The following NSD1 variants were observed in gnomAD, a reference collection of about 807,000 sequenced individuals.
NSD1 encodes the protein histone-lysine N-methyltransferase, H3 lysine-36 specific.
A neutral mutation model predicts 242.7 loss-of-function variants in NSD1; 26 were observed. The ratio of observed to expected loss-of-function variants is 0.11; its 90% confidence interval spans 0.08 to 0.15. The LOEUF (loss-of-function observed/expected upper bound fraction) is 0.15, where lower values mean the gene tolerates loss of function less well. Among genes scored for constraint, NSD1 ranks in the 10% least tolerant of loss-of-function variants. The pLI is 1.00. For synonymous variants in NSD1, 1,106 were observed against 1,178.1 expected, an observed-to-expected ratio of 0.94 and a Z score of 1.25; for missense variants, 2,495 against 3,272.8, an observed-to-expected ratio of 0.76 and a Z score of 5.80.
chr5:177,253,188 T>C (rs1350312700), intron 12 of NSD1, among the ~76,000 whole-genome samples: 2 of 152,148 alleles, frequency 1.3e-5, no homozygotes, highest in Admixed American at 6.6e-5. Flanking sequence ...GGTGAGTGGA[T>C]AGCCGTATAC....
At chr5:177,230,297 A>G (rs1043187440) in intron 5 of NSD1, among the ~76,000 whole-genome samples, 2 of 151,662 alleles carry the variant, frequency 1.3e-5, no homozygotes, top group Admixed American at 6.6e-5. Context: ...CGTTTCTACC[A>G]AAGTAGAAAA....
chr5:177,145,614 A>C (rs978247616), intron 2 of NSD1, among the ~76,000 whole-genome samples: 1 of 152,128 alleles, frequency 6.6e-6, no homozygotes, highest in Non-Finnish European at 1.5e-5. Context: ...ATGCAGTTGT[A>C]ACAAATTCCA....
Position 177,299,278 on chromosome 5 carries a change from GAGGAGA to G in NSD1, c.*3820_*3825del. Reference sequence around the variant, plus strand: ...TCAAGAAACCCGGGTTCCTGTTTGGGAGGAGATTTTATGTAGAAAAGTTTGAGGCTT... The same window carrying G: ...TCAAGAAACCCGGGTTCCTGTTTGGGTTTTATGTAGAAAAGTTTGAGGCTT... On this transcript the variant is annotated 3_prime_UTR_variant, in exon 23 of 23. Transcript: ENST00000439151. 4.3e-6 allele frequency: 1 copy of G among 233,186 alleles called. No individual in the cohort carries two copies. The highest frequency in any genetic ancestry group is 8.5e-6 in the Non-Finnish European group (1 of 118,064). 14.4% of individuals were successfully genotyped at this position (233,186 alleles called of 1,614,324 possible). A position where few individuals can be genotyped will look rare whatever the true frequency, so the allele number is the denominator to read the frequency against.
chr5:177,266,589 C>A, intron 14 of NSD1: 1 of 680,414 alleles, frequency 1.5e-6, no homozygotes, highest in Non-Finnish European at 2.2e-6. Context: ...CGGCCGCCAT[C>A]TTCACCCGCA....
rs1757604223 is a variant in NSD1, at chr5:177,267,686, G to A, written c.5271G>A (p.Arg1757=). Residue 1757 remains arginine, a synonymous_variant, in exon 15 of 23, where the codon AGG becomes AGA. Transcript: ENST00000439151. ...DCKAGKKPHY[R]EIVWVKVGRY... ...AAGCAGGCAAAAAGCCACACTACAG[G>A]GAGATTGTCTGGGTAAAAGTTGGAC... The A allele has an allele frequency of 6.2e-7, 1 of 1,613,884 alleles. No individual in the cohort carries two copies. The highest frequency in any genetic ancestry group is 8.5e-7 in the Non-Finnish European group (1 of 1,179,984).
At chr5:177,192,141 T>G (rs1761739912) in intron 3 of NSD1, 122 bp downstream of exon 3, 1 of 852,610 alleles carries the variant, frequency 1.2e-6, no homozygotes. Flanking sequence ...TGGTGTTACA[T>G]ATTTTATCTT....
intron 2 of NSD1, among the ~76,000 whole-genome samples, chr5:177,184,773 C>T (rs1001587321): frequency 6.6e-6 from 1 of 152,108 alleles, no homozygotes; most frequent in Non-Finnish European, 1.5e-5. Flanking sequence ...TGGCCTCGAG[C>T]GATCACCCAC....
At chr5:177,256,028 C>A (rs1029910375) in intron 12 of NSD1, among the ~76,000 whole-genome samples, 2 of 152,076 alleles carry the variant, frequency 1.3e-5, no homozygotes, top group Non-Finnish European at 2.9e-5. Context: ...TAATGTATAG[C>A]GAGAATATGT....
Position 177,286,320 on chromosome 5 carries a change from TTC to T in NSD1, c.6151+2395_6151+2396del, listed in dbSNP as rs1759326257. Among the ~76,000 whole-genome samples, 4 of 152,360 alleles carry T rather than the reference TTC, an allele frequency of 2.6e-5. No homozygotes were observed. In the South Asian group the frequency reaches 8.3e-4, roughly 32 times the overall value. ...AGTTACTTTCGGGTTTTGCGTTTGTTTCTCATAATGTTTTACATGATGACACC... is the reference window on the plus strand; with the variant it reads ...AGTTACTTTCGGGTTTTGCGTTTGTTTCATAATGTTTTACATGATGACACC... On this transcript the variant is annotated intron_variant, in intron 20 of 22. Transcript: ENST00000439151.
At chr5:177,279,553 A>G (rs1758673453) in intron 17 of NSD1, among the ~76,000 whole-genome samples, 1 of 151,658 alleles carries the variant, frequency 6.6e-6, no homozygotes. Flanking sequence ...TGTGACACCA[A>G]CATGTGGCAA....
Position 177,238,709 on chromosome 5 carries a change from T to G in NSD1, c.4192+202T>G, listed in dbSNP as rs1170933056. ...GGCACACTATCAAGAAGATGTATTT[T>G]TAATAACTATGCTCCTTGCTCCAGT... is the stretch of plus-strand genomic sequence containing the variant. On this transcript the variant is annotated intron_variant, in intron 7 of 22. Coordinates refer to ENST00000439151, the MANE Select transcript of NSD1 (RefSeq NM_022455.5). This position sits in a 1 kb window ranked among gnomAD's most constrained non-coding sequence, Gnocchi z 4.6. Among the ~76,000 whole-genome samples, 1 of 152,234 alleles carries G rather than the reference T, an allele frequency of 6.6e-6. No homozygotes were observed. The highest frequency in any genetic ancestry group is 1.5e-5 in the Non-Finnish European group (1 of 68,046).
chr5:177,248,783 G>A (rs1165759615), intron 11 of NSD1, among the ~76,000 whole-genome samples: 2 of 152,090 alleles, frequency 1.3e-5, no homozygotes, highest in Admixed American at 6.6e-5. Flanking sequence ...TACTATGTAT[G>A]AAGTATTGTT....
rs147033795 is a variant in NSD1, at chr5:177,295,291, T to C, written c.7923T>C (p.Ala2641=). 6.8e-5 allele frequency: 109 copies of C among 1,614,124 alleles called. No individual in the cohort carries two copies. The highest frequency in any genetic ancestry group is 8.1e-5 in the Non-Finnish European group (96 of 1,180,052). Residue 2641 remains alanine, a synonymous_variant, in exon 23 of 23, where the codon GCT becomes GCC. Transcript: ENST00000439151. The surrounding 1 kb of genome is among the most constrained non-coding windows in gnomAD (Gnocchi z 4.3). ...GGGCAGGGCTCTGGCCCATAGTGGC[T>C]GGACAGACACTGGCACAGTCTTGCT... ...SSRAGLWPIV[A]GQTLAQSCWS...
intron 14 of NSD1, 49 bp downstream of exon 14, chr5:177,260,217 C>A: frequency 1.3e-6 from 2 of 1,550,912 alleles, no homozygotes; most frequent in South Asian, 2.3e-5. Flanking sequence ...GGGATTAAAT[C>A]AATGTTTTAA....
At chr5:177,142,393 A>G (rs1756901831) in intron 2 of NSD1, among the ~76,000 whole-genome samples, 1 of 152,256 alleles carries the variant, frequency 6.6e-6, no homozygotes. Context: ...CAATGACAAT[A>G]CAGAATACTA....
chr5:177,152,441 T>G (rs1456271738), intron 2 of NSD1, among the ~76,000 whole-genome samples: 2 of 151,402 alleles, frequency 1.3e-5, no homozygotes, highest in African/African-American at 4.8e-5. Flanking sequence ...TGATCTCAGC[T>G]CACTGCAACT....
Position 177,269,843 on chromosome 5 carries a change from G to A in NSD1, c.5509+36G>A. The A allele has an allele frequency of 6.4e-7, 1 of 1,560,354 alleles. No individual in the cohort carries two copies. The highest frequency in any genetic ancestry group is 2.2e-5 in the East Asian group (1 of 44,514). ...CCTTTTTGTTTCTCAGGCAAACACAGACCTCTGTTACCTGAGTGTCTGATC... is the reference window on the plus strand; with the variant it reads ...CCTTTTTGTTTCTCAGGCAAACACAAACCTCTGTTACCTGAGTGTCTGATC... On this transcript the variant is annotated intron_variant, in intron 16 of 22. Transcript: ENST00000439151. The surrounding 1 kb of genome is among the most constrained non-coding windows in gnomAD (Gnocchi z 5.1).
Position 177,269,964 on chromosome 5 carries a change from C to A in NSD1, c.5509+157C>A, listed in dbSNP as rs1278404975. Among the ~76,000 whole-genome samples, 1 of 152,134 alleles carries A rather than the reference C, an allele frequency of 6.6e-6. No individual in the cohort carries two copies. The highest frequency in any genetic ancestry group is 1.5e-5 in the Non-Finnish European group (1 of 68,024). On this transcript the variant is annotated intron_variant, in intron 16 of 22. Coordinates refer to ENST00000439151, the MANE Select transcript of NSD1 (RefSeq NM_022455.5). This position sits in a 1 kb window ranked among gnomAD's most constrained non-coding sequence, Gnocchi z 5.1. ...TACAGTATTTTGCAAGGAAGTTGAC[C>A]CATGTAACTCATTATTTTTGAGCCT...
chr5:177,181,220 T>C (rs1422150990), intron 2 of NSD1, among the ~76,000 whole-genome samples: 1 of 151,530 alleles, frequency 6.6e-6, no homozygotes, highest in Non-Finnish European at 1.5e-5. Flanking sequence ...GGAAGGAAGT[T>C]TGCAGTGAGC....
Sources: allele counts gnomAD v4.1 joint callset (sites outside exome capture counted in the v4.1 genomes callset), GRCh38; gene constraint gnomAD v4.1.1; non-coding constraint Gnocchi (gnomAD v3.1); transcripts MANE v1.5; gene names NCBI Gene and HGNC (gene_info 2026-07-23, HGNC 2026-07-21).